CAMTA1: variants seen among roughly 807,000 people sequenced by gnomAD.
CAMTA1 encodes calmodulin-binding transcription activator 1.
Under a neutral mutation model 170.9 loss-of-function variants are expected in CAMTA1, and 27 were observed. The ratio of observed to expected loss-of-function variants is 0.16; its 90% CI spans 0.12 to 0.22. The LOEUF (loss-of-function observed/expected upper bound fraction) is 0.22. Among genes scored for constraint, CAMTA1 ranks in the 10% least tolerant of loss-of-function variants. The pLI is 1.00. For synonymous variants in CAMTA1, 833 were observed against 891.5 expected (o/e 0.93, Z 1.17); for missense variants, 1,619 against 2,217.2 (o/e 0.73, Z 5.42).
intron 1 of CAMTA1, among the ~76,000 whole-genome samples, chr1:6,790,351 A>G (rs1423394871): frequency 1.4e-5 from 2 of 147,782 alleles, no homozygotes; most frequent in East Asian, 3.9e-4. Flanking sequence ...GACTGTGTGC[A>G]GAGTGTGAGA....
intron 4 of CAMTA1, among the ~76,000 whole-genome samples, chr1:7,197,771 C>T (rs1015716974): frequency 8.6e-5 from 13 of 151,856 alleles, no homozygotes; most frequent in Admixed American, 4.6e-4. Context: ...AGAAAGACTC[C>T]GAGAGGGTGG....
At chr1:7,260,826 T>C (rs1668054613) in intron 5 of CAMTA1, among the ~76,000 whole-genome samples, 1 of 152,246 alleles carries the variant, frequency 6.6e-6, no homozygotes, top group Non-Finnish European at 1.5e-5. Context: ...TCTTTCATCT[T>C]TGCTGCCACA....
intron 5 of CAMTA1, among the ~76,000 whole-genome samples, chr1:7,263,729 C>T (rs150441142): frequency 1.7e-4 from 26 of 152,248 alleles, no homozygotes; most frequent in Middle Eastern, 3.4e-3. Flanking sequence ...TAAACAAGGA[C>T]ACGAATCAGA....
At chr1:7,711,452 A>G (rs917087988) in intron 11 of CAMTA1, among the ~76,000 whole-genome samples, 6 of 152,178 alleles carry the variant, frequency 3.9e-5, no homozygotes, top group Admixed American at 1.3e-4. Context: ...AGGAACCAAT[A>G]GGTTTTGGTC....
At chr1:7,714,492 T>C (rs906108284) in intron 11 of CAMTA1, among the ~76,000 whole-genome samples, 1 of 152,000 alleles carries the variant, frequency 6.6e-6, no homozygotes. Context: ...AGTGCTTTTG[T>C]CGCAAGGATG....
intron 3 of CAMTA1, among the ~76,000 whole-genome samples, chr1:6,864,776 G>GT (rs1238072935): frequency 6.6e-6 from 1 of 152,148 alleles, no homozygotes; most frequent in Non-Finnish European, 1.5e-5. Context: ...CTTGCTGGGT[G>GT]TTTCTGGAGC....
chr1:7,698,451 A>C (rs2096401994), intron 11 of CAMTA1: 1 of 152,764 alleles, frequency 6.5e-6, no homozygotes, highest in Non-Finnish European at 1.5e-5. Context: ...AGGCACAGGA[A>C]GGGAAAGGAG....
intron 6 of CAMTA1, among the ~76,000 whole-genome samples, chr1:7,509,262 CT>C (rs1374450515): frequency 3.3e-5 from 5 of 152,234 alleles, no homozygotes; most frequent in African/African-American, 1.2e-4. Flanking sequence ...GCCTGGGCGC[CT>C]TTTCTCTCTT....
chr1:7,509,026 C>A (rs980054657), intron 6 of CAMTA1, among the ~76,000 whole-genome samples: 1 of 152,188 alleles, frequency 6.6e-6, no homozygotes, highest in African/African-American at 2.4e-5. Context: ...GGCCTCCCTT[C>A]CCGGGTCTGT....
At chr1:6,935,309 C>G (rs1325292132) in intron 3 of CAMTA1, among the ~76,000 whole-genome samples, 2 of 152,078 alleles carry the variant, frequency 1.3e-5, no homozygotes, top group African/African-American at 4.8e-5. Context: ...TAATTCTTCC[C>G]AGGAGATTTC....
chr1:6,959,763 G>A (rs1256624112), intron 3 of CAMTA1, among the ~76,000 whole-genome samples: 1 of 152,126 alleles, frequency 6.6e-6, no homozygotes, highest in Non-Finnish European at 1.5e-5. Context: ...CTCTTGTAAG[G>A]TCACTTCACT....
chr1:7,448,800 C>T (rs1019462865), intron 5 of CAMTA1, among the ~76,000 whole-genome samples: 5 of 152,196 alleles, frequency 3.3e-5, no homozygotes, highest in Non-Finnish European at 7.3e-5. Context: ...CCCAAAGGCC[C>T]CACCTCCTAA....
chr1:7,054,494 C>T (rs1445928256), intron 3 of CAMTA1, among the ~76,000 whole-genome samples: 1 of 152,228 alleles, frequency 6.6e-6, no homozygotes, highest in Non-Finnish European at 1.5e-5. Context: ...GGGGGTTCAG[C>T]AGCAAGTTCT....
chr1:7,082,666 C>T (rs1039757498), intron 3 of CAMTA1, among the ~76,000 whole-genome samples: 1 of 152,170 alleles, frequency 6.6e-6, no homozygotes, highest in East Asian at 1.9e-4. Context: ...TTATATTACT[C>T]AGATTTCCCT....
At chr1:7,472,963 C>G (rs1005263021) in intron 6 of CAMTA1, among the ~76,000 whole-genome samples, 4 of 152,178 alleles carry the variant, frequency 2.6e-5, no homozygotes, top group Non-Finnish European at 4.4e-5. Flanking sequence ...GGACTCACCA[C>G]CCCCCAGGAG....
chr1:6,991,382 C>G (rs1223411515), intron 3 of CAMTA1, among the ~76,000 whole-genome samples: 2 of 152,130 alleles, frequency 1.3e-5, no homozygotes, highest in African/African-American at 2.4e-5. Flanking sequence ...TCTCCATACT[C>G]ACCAACATTT....
chr1:7,102,414 C>A (rs1483105417), intron 4 of CAMTA1, among the ~76,000 whole-genome samples: 1 of 152,092 alleles, frequency 6.6e-6, no homozygotes, highest in Non-Finnish European at 1.5e-5. Flanking sequence ...CCGGGATGAT[C>A]TGTAGGAATT....
chr1:7,342,946 G>T lies in CAMTA1; in HGVS notation c.438+93320G>T, dbSNP rs1474820226. On this transcript the variant is annotated intron_variant, in intron 5 of 22. Coordinates refer to ENST00000303635, the MANE Select transcript of CAMTA1 (RefSeq NM_015215.4). ...CACGGAACTCCTTGCTCCTATTAAG[G>T]CCTGAGACAAGTGCCCTCTGCAATC... Among the ~76,000 whole-genome samples the T allele has an allele frequency of 2.6e-5, 4 of 152,136 alleles. No individual in the cohort carries two copies. The East Asian group carries it at 5.8e-4, about 22-fold the overall frequency.
At chr1:7,385,049 C>T (rs1374471528) in intron 5 of CAMTA1, among the ~76,000 whole-genome samples, 2 of 151,630 alleles carry the variant, frequency 1.3e-5, no homozygotes, top group South Asian at 2.1e-4. Context: ...TTCAGCAGAA[C>T]AGCCCTCCTA....
Sources: gnomAD v4.1 joint callset for allele counts (sites outside exome capture counted in the v4.1 genomes callset) on GRCh38, gnomAD v4.1.1 for gene constraint, MANE v1.5 for transcripts, NCBI Gene and HGNC (gene_info 2026-07-23, HGNC 2026-07-21) for gene names.